Variants in PRRX1 observed in about 807,000 individuals in gnomAD.
PRRX1 encodes the protein paired related homeobox 1.
A neutral mutation model predicts 24.0 loss-of-function variants in PRRX1; 8 were observed. The ratio of observed to expected loss-of-function variants is 0.33; its 90% CI spans 0.20 to 0.60. The LOEUF (loss-of-function observed/expected upper bound fraction) is 0.60. Among genes scored for constraint, PRRX1 ranks in the 20% least tolerant of loss-of-function variants. PRRX1 has a pLI of 0.82. For missense variants in PRRX1, 281 were observed against 322.4 expected (o/e 0.87, Z 0.98); for synonymous variants, 160 against 131.7 (o/e 1.22, Z -1.47).
chr1:170,729,333 C>T (rs933894059), intron 3 of PRRX1, among the ~76,000 whole-genome samples: 5 of 152,144 alleles, frequency 3.3e-5, no homozygotes, highest in South Asian at 2.1e-4. Context: ...GACTGATAGA[C>T]GTGGCTTGGT....
Position 170,737,994 on chromosome 1 carries a change from C to T in PRRX1, c.*1808C>T, listed in dbSNP as rs1655678458. On this transcript the variant is annotated 3_prime_UTR_variant, in exon 4 of 4. Coordinates refer to ENST00000239461, the MANE Select transcript of PRRX1 (RefSeq NM_022716.4). ...AGAAAATGCTACCTTGCTGTACATA[C>T]TTATAACCTTGTATTTGGAAATGAG... is the stretch of plus-strand genomic sequence containing the variant. The T allele has an allele frequency of 9.2e-6, 2 of 218,188 alleles. No individual in the cohort carries two copies. Among genetic ancestry groups the T allele is most frequent in the Admixed American group, 1.2e-4 (2 of 17,222 alleles). 13.5% of individuals were successfully genotyped at this position (218,188 alleles called of 1,614,324 possible). A position where few individuals can be genotyped will look rare whatever the true frequency, so the allele number is the denominator to read the frequency against.
At chr1:170,697,329 A>G (rs1469369301) in intron 1 of PRRX1, among the ~76,000 whole-genome samples, 1 of 152,218 alleles carries the variant, frequency 6.6e-6, no homozygotes, top group Admixed American at 6.5e-5. Context: ...TTGAAGGGTT[A>G]TAATATTGCA....
intron 1 of PRRX1, among the ~76,000 whole-genome samples, chr1:170,712,415 C>T (rs946419035): frequency 2.6e-5 from 4 of 152,160 alleles, no homozygotes; most frequent in East Asian, 1.9e-4. Context: ...TGCTCTCCAT[C>T]AAACATGACC....
chr1:170,733,086 T>A (rs1372366837), intron 3 of PRRX1, among the ~76,000 whole-genome samples: 1 of 152,156 alleles, frequency 6.6e-6, no homozygotes, highest in Non-Finnish European at 1.5e-5. Context: ...TTAACATTCA[T>A]CTCATTTGGG....
At chr1:170,731,516 A>G (rs1275263955) in intron 3 of PRRX1, among the ~76,000 whole-genome samples, 1 of 152,202 alleles carries the variant, frequency 6.6e-6, no homozygotes, top group African/African-American at 2.4e-5. Flanking sequence ...GGGACTTAAC[A>G]CTATAGGTGT....
intron 1 of PRRX1, among the ~76,000 whole-genome samples, chr1:170,686,659 A>G (rs115526302): frequency 1.7e-3 from 252 of 152,270 alleles, no homozygotes; most frequent in African/African-American, 5.9e-3. Flanking sequence ...TCCATGAGAG[A>G]TATTTCCAGA....
intron 1 of PRRX1, among the ~76,000 whole-genome samples, chr1:170,678,210 A>G (rs528731394): frequency 6.6e-6 from 1 of 152,368 alleles, no homozygotes; most frequent in African/African-American, 2.4e-5. Flanking sequence ...ACCTGTTTTC[A>G]TACATATTTT....
At chr1:170,680,386 G>T (rs961076435) in intron 1 of PRRX1, among the ~76,000 whole-genome samples, 1 of 152,142 alleles carries the variant, frequency 6.6e-6, no homozygotes, top group Non-Finnish European at 1.5e-5. Context: ...AGAGGTGAAA[G>T]GGTTTCCTGG....
intron 1 of PRRX1, 136 bp downstream of exon 1, chr1:170,664,595 G>A: frequency 7.4e-7 from 1 of 1,352,330 alleles, no homozygotes; most frequent in East Asian, 2.5e-5. Context: ...GACTTCAAAG[G>A]AAGGGCCAGT....
intron 1 of PRRX1, among the ~76,000 whole-genome samples, chr1:170,690,175 G>A (rs1483633329): frequency 6.6e-6 from 1 of 151,556 alleles, no homozygotes; most frequent in African/African-American, 2.4e-5. Flanking sequence ...CCCACGCACT[G>A]TAATAAGTAT....
intron 1 of PRRX1, among the ~76,000 whole-genome samples, chr1:170,695,519 T>A (rs777263437): frequency 2.6e-5 from 4 of 152,208 alleles, no homozygotes; most frequent in Non-Finnish European, 5.9e-5. Context: ...GCTATTCTTC[T>A]CTGCTGGGGA....
At chr1:170,719,604 A>G (rs1054491514) in intron 1 of PRRX1, 122 bp from the exon 2 acceptor site, 1 of 1,126,088 alleles carries the variant, frequency 8.9e-7, no homozygotes, top group South Asian at 1.3e-5. Flanking sequence ...ATTTGGCTAT[A>G]GGACTTTGAT....
At chr1:170,686,705 A>G (rs1192387150) in intron 1 of PRRX1, among the ~76,000 whole-genome samples, 1 of 152,074 alleles carries the variant, frequency 6.6e-6, no homozygotes, top group Non-Finnish European at 1.5e-5. Context: ...CTGCATATGG[A>G]TTTACCACTT....
chr1:170,686,782 T>C (rs1653757311), intron 1 of PRRX1, among the ~76,000 whole-genome samples: 1 of 150,886 alleles, frequency 6.6e-6, no homozygotes, highest in Middle Eastern at 3.2e-3. Flanking sequence ...GTTTCTTTAT[T>C]TCCTTATCAG....
At chr1:170,731,312 GA>G (rs1407198405) in intron 3 of PRRX1, among the ~76,000 whole-genome samples, 19 of 149,364 alleles carry the variant, frequency 1.3e-4, no homozygotes, top group Admixed American at 4.0e-4. Flanking sequence ...TACAGTCTTT[GA>G]AAAAATCCTG....
chr1:170,665,321 C>G (rs1277337171), intron 1 of PRRX1, among the ~76,000 whole-genome samples: 1 of 152,214 alleles, frequency 6.6e-6, no homozygotes, highest in Non-Finnish European at 1.5e-5. Flanking sequence ...ACCGACCAAC[C>G]TCGCGACCCA....
At chr1:170,702,208 T>G (rs1201555832) in intron 1 of PRRX1, among the ~76,000 whole-genome samples, 1 of 152,236 alleles carries the variant, frequency 6.6e-6, no homozygotes, top group East Asian at 1.9e-4. Flanking sequence ...CTCACTCACC[T>G]GCCTCACACC....
intron 1 of PRRX1, among the ~76,000 whole-genome samples, chr1:170,717,562 T>A (rs757833400): frequency 2.0e-5 from 3 of 152,210 alleles, no homozygotes; most frequent in Non-Finnish European, 4.4e-5. Context: ...TGGCTTAGTG[T>A]CTAATTGGTC....
In PRRX1 at chr1:170,691,998, G is replaced by A. The variant is rs145551669; in HGVS notation, c.241+27539G>A. 9.4e-3 allele frequency among the ~76,000 whole-genome samples: 1,432 copies of A among 152,170 alleles called. 20 individuals carry two copies. The highest frequency in any genetic ancestry group is 0.033 in the African/African-American group (1,361 of 41,528). ...TGCTTGGTACTGTGTTAAGTGCTAT[G>A]AGGAATACAAAGCTCCCTGTCCTTT... On this transcript the variant is annotated intron_variant, in intron 1 of 3. Transcript: ENST00000239461.
Sources: allele counts gnomAD v4.1 joint callset (sites outside exome capture counted in the v4.1 genomes callset), GRCh38; gene constraint gnomAD v4.1.1; transcripts MANE v1.5; gene names NCBI Gene and HGNC (gene_info 2026-07-23, HGNC 2026-07-21).